DNAJB13: variants seen among roughly 807,000 people sequenced by gnomAD.
The protein encoded by DNAJB13 is DnaJ heat shock protein family (Hsp40) member B13.
DNAJB13 carries 22 observed loss-of-function variants against 35.6 expected under a neutral mutation model. The observed-to-expected ratio is 0.62, with a 90% CI of 0.44 to 0.88. The LOEUF (loss-of-function observed/expected upper bound fraction) is 0.88, where lower values mean the gene tolerates loss of function less well. DNAJB13 is among the 40% of genes least tolerant of loss of function. The pLI, the probability that DNAJB13 is intolerant of heterozygous loss-of-function variation, is 0.00. For missense variants in DNAJB13, 370 were observed against 384.3 expected (o/e 0.96, Z 0.31); for synonymous variants, 136 against 144.2 (o/e 0.94, Z 0.41).
chr11:73,953,651 T>A lies in DNAJB13; in HGVS notation c.68+2514T>A, dbSNP rs1591168282. On this transcript the variant is annotated intron_variant, in intron 1 of 7. Coordinates refer to ENST00000339764, the MANE Select transcript of DNAJB13 (RefSeq NM_153614.4). ...GGTTTCTAAATTATGAGTTGATTTT[T>A]AACTACTGGGTTTAGGCCAGGCAGG... 2.6e-5 allele frequency among the ~76,000 whole-genome samples: 4 copies of A among 152,178 alleles called. No individual in the cohort carries two copies. In the East Asian group the frequency reaches 7.7e-4, roughly 29 times the overall value.
chr11:73,954,239 T>C (rs1434652954), intron 1 of DNAJB13, among the ~76,000 whole-genome samples: 1 of 151,164 alleles, frequency 6.6e-6, no homozygotes, highest in African/African-American at 2.4e-5. Context: ...GACAGGAGAA[T>C]TGCTTGAACC....
At chr11:73,955,098 A>G (rs1950703058) in intron 1 of DNAJB13, among the ~76,000 whole-genome samples, 1 of 151,078 alleles carries the variant, frequency 6.6e-6, no homozygotes, top group Non-Finnish European at 1.5e-5. Context: ...TATTGATCAA[A>G]AAAAAAAAGA....
chr11:73,952,667 C>A (rs1207411539), intron 1 of DNAJB13, among the ~76,000 whole-genome samples: 1 of 152,126 alleles, frequency 6.6e-6, no homozygotes, highest in East Asian at 1.9e-4. Flanking sequence ...AAGGACCCAT[C>A]CAGGGAAAGG....
chr11:73,952,719 C>A (rs971096523), intron 1 of DNAJB13, among the ~76,000 whole-genome samples: 1 of 152,202 alleles, frequency 6.6e-6, no homozygotes, highest in African/African-American at 2.4e-5. Context: ...AAGATAAGCA[C>A]AGCTTAAGCA....
intron 3 of DNAJB13, among the ~76,000 whole-genome samples, chr11:73,961,801 TTTA>T (rs1477655142): frequency 3.9e-5 from 6 of 152,182 alleles, no homozygotes; most frequent in Admixed American, 3.3e-4. Flanking sequence ...TGTTTTATAA[TTTA>T]TTATTATTAA....
At chr11:73,956,350 G>C (rs1392166418) in intron 1 of DNAJB13, among the ~76,000 whole-genome samples, 3 of 152,180 alleles carry the variant, frequency 2.0e-5, no homozygotes, top group Non-Finnish European at 4.4e-5. Context: ...AGAGGGGTGA[G>C]TCATGCAGGA....
Position 73,968,444 on chromosome 11 carries a change from AT to A in DNAJB13, c.707del (p.Ile236ThrfsTer14), listed in dbSNP as rs1280975019. ...TGACAACCTCTTCTTCGTGAACCCC[AT>A]CCCTCTTGGCAAGGTGAGTGGGCAA... ...ENDNLFFVNPIPLGKALTCCT... is the reference protein window; with the variant it reads ...ENDNLFFVNPXPLGKALTCCT... On this transcript the variant is annotated frameshift_variant, in exon 6 of 8. Transcript: ENST00000339764. LOFTEE classifies it high-confidence loss of function. 6.2e-7 allele frequency: 1 copy of A among 1,613,780 alleles called. No homozygotes were observed. The highest frequency in any genetic ancestry group is 1.7e-5 in the Admixed American group (1 of 59,994).
At chr11:73,953,746 A>G (rs568487910) in intron 1 of DNAJB13, among the ~76,000 whole-genome samples, 1 of 151,958 alleles carries the variant, frequency 6.6e-6, no homozygotes, top group East Asian at 1.9e-4. Flanking sequence ...GCTTTTTTTT[A>G]AAACAGGTAC....
intron 1 of DNAJB13, among the ~76,000 whole-genome samples, chr11:73,955,944 T>C (rs533081439): frequency 6.6e-6 from 1 of 152,214 alleles, no homozygotes; most frequent in Non-Finnish European, 1.5e-5. Flanking sequence ...CCCTTATGGA[T>C]GGAGGGGCAG....
intron 4 of DNAJB13, chr11:73,965,408 G>A (rs745583436): frequency 7.9e-5 from 14 of 176,268 alleles, no homozygotes; most frequent in Non-Finnish European, 1.7e-4. Context: ...TCATCAGGGT[G>A]CATGCCTCGT....
intron 1 of DNAJB13, among the ~76,000 whole-genome samples, chr11:73,954,429 G>C (rs1240915367): frequency 6.7e-6 from 1 of 149,854 alleles, no homozygotes; most frequent in Non-Finnish European, 1.5e-5. Flanking sequence ...AGGAGATCAA[G>C]ACCATCCTGG....
Position 73,951,151 on chromosome 11 carries a change from G to A in DNAJB13, c.68+14G>A. The A allele has an allele frequency of 6.2e-7, 1 of 1,613,972 alleles. No individual in the cohort carries two copies. The highest frequency in any genetic ancestry group is 1.1e-5 in the South Asian group (1 of 91,062). Reference sequence around the variant, plus strand: ...GATCAAGCAGGCGTAAGTTGGGGTGGGAGCCAGGCCTTAGGGGTGTGCTGG... The same window carrying A: ...GATCAAGCAGGCGTAAGTTGGGGTGAGAGCCAGGCCTTAGGGGTGTGCTGG... On this transcript the variant is annotated intron_variant, in intron 1 of 7. Transcript: ENST00000339764.
rs201260938 is a variant in DNAJB13 at position 73,970,143 on chromosome 11, G to A, written c.*29G>A. 4.4e-4 allele frequency: 684 copies of A among 1,555,296 alleles called. 14 individuals carry two copies. The South Asian group carries it at 7.7e-3, about 17-fold the overall frequency. On this transcript the variant is annotated 3_prime_UTR_variant, in exon 8 of 8. Coordinates refer to ENST00000339764, the MANE Select transcript of DNAJB13 (RefSeq NM_153614.4). The stretch of plus-strand genomic sequence containing the variant: ...TGGTGGGCTGGAGCAGGGGTGAGAG[G>A]AGGCTAGCCGGGCCTCACCCCACCC...
At chr11:73,965,108 G>GAGTCCTCCCACCCA in intron 4 of DNAJB13, 73 bp downstream of exon 4, 1 of 1,481,052 alleles carries the variant, frequency 6.8e-7, no homozygotes, top group Non-Finnish European at 9.0e-7. Context: ...TCCCTTACCT[G>GAGTCCTCCCACCCA]GGTGGGAGGA....
In DNAJB13 at chr11:73,970,229, G is replaced by A. The variant is rs1951243490; in HGVS notation, c.*115G>A. 2 of 1,360,564 alleles carry A rather than the reference G, an allele frequency of 1.5e-6. No homozygotes were observed. The highest frequency in any genetic ancestry group is 2.6e-5 in the Admixed American group (1 of 38,458). 84.3% of individuals were successfully genotyped at this position (1,360,564 alleles called of 1,614,324 possible). The stretch of plus-strand genomic sequence containing the variant: ...TGCTGCACAGATATGATACAAGGGT[G>A]GGATGGCGCAGGGCTTAAACTGACA... On this transcript the variant is annotated 3_prime_UTR_variant, in exon 8 of 8. Transcript: ENST00000339764.
At chr11:73,964,765 C>CTGTGTGTGTGTGTGTGTG in intron 3 of DNAJB13, 113 bp from the exon 4 acceptor site, 3 of 659,680 alleles carry the variant, frequency 4.5e-6, no homozygotes, top group South Asian at 3.4e-5. Flanking sequence ...GATAGGGAGG[C>CTGTGTGTGTGTGTGTGTG]TGTGTGTGTG....
chr11:73,957,866 A>G (rs1288371739), intron 1 of DNAJB13, among the ~76,000 whole-genome samples: 1 of 152,196 alleles, frequency 6.6e-6, no homozygotes, highest in African/African-American at 2.4e-5. Flanking sequence ...TATGAAGGGA[A>G]GGGAGCAGGG....
rs762645927 is a variant in DNAJB13, at chr11:73,969,966, A to C, written c.803A>C (p.Lys268Thr). 34 of 1,608,508 alleles carry C rather than the reference A, an allele frequency of 2.1e-5. No individual in the cohort carries two copies. ...TTTCTTTCATCCTATTTCAGCCCCA[A>C]ATACTTCAAGAAGGTGCCAGGGGAG... The part of the protein sequence containing the change: ...NIPINDIIHP[K>T]YFKKVPGEGM... Residue 268 changes from lysine to threonine, a missense_variant, in exon 8 of 8, where the codon AAA becomes ACA. Lys to Thr is a moderately conservative substitution (Grantham distance 78). Transcript: ENST00000339764.
Position 73,969,872 on chromosome 11 carries a change from G to A in DNAJB13, c.798-89G>A, listed in dbSNP as rs951655036. 1.7e-5 allele frequency: 25 copies of A among 1,473,464 alleles called. No homozygotes were observed. The South Asian group carries it at 3.6e-4, about 21-fold the overall frequency. The allele number at this position is 1,473,464 out of a possible 1,614,324, so 91.3% of individuals were successfully genotyped here. A position where few individuals can be genotyped will look rare whatever the true frequency, so the allele number is the denominator to read the frequency against. On this transcript the variant is annotated intron_variant, in intron 7 of 7. Coordinates refer to ENST00000339764, the MANE Select transcript of DNAJB13 (RefSeq NM_153614.4). ...ACTGCAGTGACTGTCCCCTTCCTGG[G>A]GTTATGTGAGTAGGGGTTATATGAC...
Sources: gnomAD v4.1 joint callset for allele counts (sites outside exome capture counted in the v4.1 genomes callset) on GRCh38, gnomAD v4.1.1 for gene constraint, MANE v1.5 for transcripts, NCBI Gene and HGNC (gene_info 2026-07-23, HGNC 2026-07-21) for gene names.